The following GPLD1 variants were observed in gnomAD, a reference collection of about 807,000 sequenced individuals.
GPLD1 encodes glycosylphosphatidylinositol specific phospholipase D1.
A neutral mutation model predicts 112.6 loss-of-function variants in GPLD1; 84 were observed. That is an observed-to-expected ratio of 0.75 (90% CI 0.63 to 0.89). The LOEUF (loss-of-function observed/expected upper bound fraction) is 0.89. Ranked by LOEUF, GPLD1 falls within the 40% of genes least tolerant of loss-of-function variation. The probability of loss-of-function intolerance (pLI) is 0.00; values close to 1 mark genes in which losing one functional copy is unlikely to be tolerated. For synonymous variants in GPLD1, 386 were observed against 403.8 expected (o/e 0.96, Z 0.53); for missense variants, 1,044 against 1,051.5 (o/e 0.99, Z 0.10).
At chr6:24,467,765 A>C (rs1763665943) in intron 7 of GPLD1, among the ~76,000 whole-genome samples, 1 of 152,226 alleles carries the variant, frequency 6.6e-6, no homozygotes, top group Non-Finnish European at 1.5e-5. Flanking sequence ...ACCAAAGTAT[A>C]AAAATATTGT....
At chr6:24,440,595 A>AAG (rs1561831770) in intron 20 of GPLD1, among the ~76,000 whole-genome samples, 1 of 150,624 alleles carries the variant, frequency 6.6e-6, no homozygotes, top group African/African-American at 2.4e-5. Context: ...AAAAAAAAAA[A>AAG]AAGAAGCATA....
At chr6:24,459,393 A>G (rs1561843501) in intron 12 of GPLD1, among the ~76,000 whole-genome samples, 1 of 152,162 alleles carries the variant, frequency 6.6e-6, no homozygotes, top group Non-Finnish European at 1.5e-5. Flanking sequence ...AGCTGGGACT[A>G]CAAGTGCACA....
chr6:24,430,669 T>C (rs940192443), intron 24 of GPLD1, among the ~76,000 whole-genome samples: 9 of 152,186 alleles, frequency 5.9e-5, no homozygotes, highest in African/African-American at 1.9e-4. Context: ...TGAATGCTCT[T>C]ATGCCACAGA....
intron 8 of GPLD1, 65 bp from the exon 9 acceptor site, chr6:24,467,004 T>C (rs887857109): frequency 7.0e-7 from 1 of 1,426,062 alleles, no homozygotes; most frequent in Non-Finnish European, 9.9e-7. Flanking sequence ...AAGCAAATAA[T>C]GAAGAAAAAG....
intron 11 of GPLD1, 68 bp downstream of exon 11, chr6:24,462,662 A>C (rs964130870): frequency 2.0e-5 from 20 of 985,912 alleles, no homozygotes. Flanking sequence ...CCGTGTTCTC[A>C]ACCTCTATAG....
chr6:24,446,616 T>C lies in GPLD1; in HGVS notation c.1820+222A>G, dbSNP rs188348372. On this transcript the variant is annotated intron_variant, in intron 18 of 24. Transcript: ENST00000230036. ...AACCCTCTGACCTCAACCTTGATCT[T>C]GGACGTCTAGCTTCCAGAACTGTGA... Among the ~76,000 whole-genome samples, 3 of 152,346 alleles carry C rather than the reference T, an allele frequency of 2.0e-5. No individual in the cohort carries two copies. The East Asian group carries it at 5.8e-4, about 29-fold the overall frequency.
At chr6:24,462,893 C>G (rs1763482787) in intron 10 of GPLD1, 98 bp from the exon 11 acceptor site, 1 of 895,170 alleles carries the variant, frequency 1.1e-6, no homozygotes, top group Non-Finnish European at 1.9e-6. Context: ...CTCCCAAAGG[C>G]TTAAAGTGTT....
At chr6:24,463,222 T>C (rs1053430356) in intron 10 of GPLD1, among the ~76,000 whole-genome samples, 3 of 152,136 alleles carry the variant, frequency 2.0e-5, no homozygotes, top group Non-Finnish European at 4.4e-5. Context: ...AATAATTAAA[T>C]AGCTAATGAA....
intron 15 of GPLD1, 28 bp downstream of exon 15, chr6:24,449,761 C>A: frequency 6.6e-7 from 1 of 1,517,782 alleles, no homozygotes; most frequent in South Asian, 1.2e-5. Flanking sequence ...CCCCATTCTC[C>A]TCCAACCCTA....
intron 7 of GPLD1, among the ~76,000 whole-genome samples, chr6:24,469,077 A>C (rs1417787941): frequency 2.0e-5 from 3 of 152,246 alleles, no homozygotes; most frequent in Non-Finnish European, 2.9e-5. Context: ...TAAAAACCAG[A>C]TTTATACTCA....
Position 24,479,900 on chromosome 6 carries a change from G to A in GPLD1, c.213C>T (p.Tyr71=). Residue 71 remains tyrosine, a synonymous_variant, in exon 3 of 25, where the codon TAC becomes TAT. Coordinates refer to ENST00000230036, the MANE Select transcript of GPLD1 (RefSeq NM_001503.4). Reference sequence around the variant, plus strand: ...TCTTACCTCCTTTGCAGATGCTAGGGTAAAAACAATCAGGAAACACGATTC... The same window carrying A: ...TCTTACCTCCTTTGCAGATGCTAGGATAAAAACAATCAGGAAACACGATTC... ...QAGIVFPDCF[Y]PSICKGGKFH... 6.2e-7 allele frequency: 1 copy of A among 1,606,936 alleles called. No individual in the cohort carries two copies. The highest frequency in any genetic ancestry group is 8.5e-7 in the Non-Finnish European group (1 of 1,173,522).
At chr6:24,468,397 A>G (rs1253335645) in intron 7 of GPLD1, among the ~76,000 whole-genome samples, 1 of 152,200 alleles carries the variant, frequency 6.6e-6, no homozygotes, top group African/African-American at 2.4e-5. Context: ...AGACTACAGC[A>G]TAAGTGACAC....
At chr6:24,457,393 A>C (rs955150805) in intron 12 of GPLD1, among the ~76,000 whole-genome samples, 34 of 152,156 alleles carry the variant, frequency 2.2e-4, no homozygotes, top group African/African-American at 8.2e-4. Flanking sequence ...AAATGGGAGG[A>C]TCACCTGCAT....
chr6:24,471,225 G>GT (rs1469042913), intron 7 of GPLD1, among the ~76,000 whole-genome samples: 2 of 152,206 alleles, frequency 1.3e-5, no homozygotes, highest in African/African-American at 4.8e-5. Flanking sequence ...AGGGGGTGCA[G>GT]TGGCTCACAC....
upstream of GPLD1, among the ~76,000 whole-genome samples, chr6:24,490,657 T>C (rs961300252): frequency 2.6e-4 from 39 of 150,306 alleles, no homozygotes; most frequent in Non-Finnish European, 1.3e-4. Context: ...GAGGCTGAGG[T>C]GGGAGGATCT....
chr6:24,442,157 T>G (rs1413290811), intron 20 of GPLD1, among the ~76,000 whole-genome samples: 2 of 151,456 alleles, frequency 1.3e-5, no homozygotes, highest in African/African-American at 2.4e-5. Flanking sequence ...GGTCTCACTC[T>G]GTTGCCCAGG....
chr6:24,466,425 C>T (rs1308503759), intron 10 of GPLD1, among the ~76,000 whole-genome samples: 4 of 152,186 alleles, frequency 2.6e-5, no homozygotes, highest in Non-Finnish European at 1.5e-5. Flanking sequence ...TCTCACAGAC[C>T]CCAAATATTG....
chr6:24,475,795 T>G (rs1450632394), intron 4 of GPLD1, among the ~76,000 whole-genome samples: 1 of 151,498 alleles, frequency 6.6e-6, no homozygotes, highest in Non-Finnish European at 1.5e-5. Flanking sequence ...GAGGTGGAGC[T>G]TGCAGTGAGC....
At chr6:24,469,638 G>A (rs944535709) in intron 7 of GPLD1, among the ~76,000 whole-genome samples, 1 of 115,416 alleles carries the variant, frequency 8.7e-6, no homozygotes, top group African/African-American at 3.3e-5. Context: ...TGGGGTGGGG[G>A]GAGGGGGGAG....
Sources: gnomAD v4.1 joint callset for allele counts (sites outside exome capture counted in the v4.1 genomes callset) on GRCh38, gnomAD v4.1.1 for gene constraint, MANE v1.5 for transcripts, NCBI Gene and HGNC (gene_info 2026-07-23, HGNC 2026-07-21) for gene names.